Variants in SYNGR3 observed in about 807,000 individuals in gnomAD.
SYNGR3 encodes synaptogyrin 3, also known as synaptogyrin-3.
Under a neutral mutation model 18.5 loss-of-function variants are expected in SYNGR3, and 10 were observed. The observed-to-expected ratio is 0.54, with a 90% CI of 0.33 to 0.92. The LOEUF (loss-of-function observed/expected upper bound fraction) is 0.92, where lower values mean the gene tolerates loss of function less well. Ranked by LOEUF, SYNGR3 falls within the 40% of genes least tolerant of loss-of-function variation. The probability of loss-of-function intolerance (pLI) is 0.02; values close to 1 mark genes in which losing one functional copy is unlikely to be tolerated. For missense variants in SYNGR3, 335 were observed against 332.8 expected (o/e 1.01, Z -0.05); for synonymous variants, 188 against 157.2 (o/e 1.20, Z -1.47).
chr16:1,993,039 C>T lies in SYNGR3; in HGVS notation c.657C>T (p.Thr219=). ...QSPPFTETLD[T]SPKGYQVPAY ...CGCCCTTCACCGAGACCCTGGACACCAGCCCCAAAGGGTACCAGGTGCCCG... is the reference window on the plus strand; with the variant it reads ...CGCCCTTCACCGAGACCCTGGACACTAGCCCCAAAGGGTACCAGGTGCCCG... Residue 219 remains threonine, a synonymous_variant, in exon 4 of 4, where the codon ACC becomes ACT. Coordinates refer to ENST00000248121, the MANE Select transcript of SYNGR3 (RefSeq NM_004209.6). 6.2e-7 allele frequency: 1 copy of T among 1,611,832 alleles called. No homozygotes were observed. Among genetic ancestry groups the T allele is most frequent in the Non-Finnish European group, 8.5e-7 (1 of 1,179,646 alleles).
intron 1 of SYNGR3, 76 bp downstream of exon 1, chr16:1,990,277 C>T (rs1167580993): frequency 9.9e-6 from 6 of 609,124 alleles, no homozygotes; most frequent in Non-Finnish European, 1.1e-5. Flanking sequence ...CCCCTGCCCC[C>T]TACCCCCTGC....
chr16:1,990,287 C>T (rs1185126625), intron 1 of SYNGR3, 86 bp downstream of exon 1: 5 of 564,910 alleles, frequency 8.9e-6, no homozygotes, highest in South Asian at 6.2e-5. Context: ...CTACCCCCTG[C>T]CCCCTGCTTC....
Position 1,990,119 on chromosome 16 carries a change from TCGGCGCGGGC to T in SYNGR3, c.20_29del (p.Gly7AlafsTer9). ...GGGCCGGCCATGGAGGGCGCCTCCTTCGGCGCGGGCCGCGCAGGGGCCGCCCTGGACCCCG... is the reference window on the plus strand; with the variant it reads ...GGGCCGGCCATGGAGGGCGCCTCCTTCGCGCAGGGGCCGCCCTGGACCCCG... On this transcript the variant is annotated frameshift_variant, in exon 1 of 4. Coordinates refer to ENST00000248121, the MANE Select transcript of SYNGR3 (RefSeq NM_004209.6). LOFTEE classifies it high-confidence loss of function. The T allele has an allele frequency of 8.2e-7, 1 of 1,217,170 alleles. No individual in the cohort carries two copies. Among genetic ancestry groups the T allele is most frequent in the Non-Finnish European group, 1.0e-6 (1 of 978,120 alleles). The allele number at this position is 1,217,170 out of a possible 1,614,324, so 75.4% of individuals were successfully genotyped here. A position where few individuals can be genotyped will look rare whatever the true frequency, so the allele number is the denominator to read the frequency against.
Position 1,992,871 on chromosome 16 carries a change from C to T in SYNGR3, c.489C>T (p.Leu163=), listed in dbSNP as rs1413731639. 1.3e-6 allele frequency: 2 copies of T among 1,573,876 alleles called. No homozygotes were observed. The highest frequency in any genetic ancestry group is 1.7e-6 in the Non-Finnish European group (2 of 1,159,488). ...GACCCCGCCCCGCGCAGGTGGCGCT[C>T]ACCGTGAAGGCCCTGCAGCGGTTCC... The part of the protein sequence containing the change: ...SFFSILSWVA[L]TVKALQRFRL... The change falls in exon 4 of 4, where the codon CTC becomes CTT. Residue 163 remains leucine, a synonymous_variant. Coordinates refer to ENST00000248121, the MANE Select transcript of SYNGR3 (RefSeq NM_004209.6).
Position 1,993,264 on chromosome 16 carries a change from G to T in SYNGR3, c.*192G>T. On this transcript the variant is annotated 3_prime_UTR_variant, in exon 4 of 4. Coordinates refer to ENST00000248121, the MANE Select transcript of SYNGR3 (RefSeq NM_004209.6). ...CCTGCCAAGTTCCCCCAGTCCCTCA[G>T]CACCTGGCCCCAGGACTGAGGTCCT... 3.0e-6 allele frequency: 2 copies of T among 677,284 alleles called. No homozygotes were observed. The highest frequency in any genetic ancestry group is 1.8e-5 in the South Asian group (1 of 54,694). 42.0% of individuals were successfully genotyped at this position (677,284 alleles called of 1,614,324 possible). A position where few individuals can be genotyped will look rare whatever the true frequency, so the allele number is the denominator to read the frequency against.
intron 2 of SYNGR3, 115 bp from the exon 3 acceptor site, chr16:1,992,521 G>A (rs1045496417): frequency 3.1e-5 from 41 of 1,339,674 alleles, no homozygotes; most frequent in Admixed American, 1.0e-4. Flanking sequence ...CGCGCCACGC[G>A]GCGAGCCCAG....
At chr16:1,990,352 C>T in intron 1 of SYNGR3, 151 bp downstream of exon 1, 1 of 414,804 alleles carries the variant, frequency 2.4e-6, no homozygotes. Context: ...CCGCCGGCCT[C>T]AGGTTGGGGT....
Position 1,992,935 on chromosome 16 carries a change from C to T in SYNGR3, c.553C>T (p.Leu185=). 6.2e-7 allele frequency: 1 copy of T among 1,611,316 alleles called. No individual in the cohort carries two copies. The highest frequency in any genetic ancestry group is 1.1e-5 in the South Asian group (1 of 90,904). Residue 185 remains leucine, a synonymous_variant, in exon 4 of 4, where the codon CTG becomes TTG. Transcript: ENST00000248121. ...TDMSLFATEQ[L]STGASQAYPG... ...CATGTCACTCTTCGCCACCGAACAGCTGAGCACCGGGGCGAGCCAGGCCTA... is the reference window on the plus strand; with the variant it reads ...CATGTCACTCTTCGCCACCGAACAGTTGAGCACCGGGGCGAGCCAGGCCTA...
In SYNGR3 at chr16:1,993,692, C is replaced by G. The variant is rs1474792381; in HGVS notation, c.*620C>G. ...CTGCTCCTCTCTCTGTGGCCCCGGC[C>G]CCTGCCCAGGTGTGGGTGGTTCTGG... On this transcript the variant is annotated 3_prime_UTR_variant, in exon 4 of 4. Coordinates refer to ENST00000248121, the MANE Select transcript of SYNGR3 (RefSeq NM_004209.6). 5 of 423,372 alleles carry G rather than the reference C, an allele frequency of 1.2e-5. No homozygotes were observed. The East Asian group carries it at 3.5e-4, about 30-fold the overall frequency. 26.2% of individuals were successfully genotyped at this position (423,372 alleles called of 1,614,324 possible).
intron 1 of SYNGR3, 145 bp downstream of exon 1, chr16:1,990,346 CGG>C (rs2083596227): frequency 2.6e-6 from 1 of 381,730 alleles, no homozygotes; most frequent in Admixed American, 5.0e-5. Flanking sequence ...CCTCCCCCGC[CGG>C]CCTCAGGTTG....
intron 2 of SYNGR3, 39 bp downstream of exon 2, chr16:1,992,250 G>T: frequency 1.9e-6 from 2 of 1,047,058 alleles, no homozygotes; most frequent in South Asian, 1.9e-5. Flanking sequence ...AGAGCCTTCC[G>T]GGTGGGCGGG....
At position 1,990,128 on chromosome 16, in the gene SYNGR3, G is replaced by A. The variant is rs1426259418; in HGVS notation, c.26G>A (p.Gly9Asp). MEGASFGA[G>D]RAGAALDPVS... is the part of the protein sequence containing the mutation. Reference sequence around the variant, plus strand: ...ATGGAGGGCGCCTCCTTCGGCGCGGGCCGCGCAGGGGCCGCCCTGGACCCC... The same window carrying A: ...ATGGAGGGCGCCTCCTTCGGCGCGGACCGCGCAGGGGCCGCCCTGGACCCC... The change falls in exon 1 of 4, where the codon GGC becomes GAC. Residue 9 changes from glycine to aspartate, a missense_variant. Physicochemically the swap from Gly to Asp is moderately conservative, Grantham distance 94. Coordinates refer to ENST00000248121, the MANE Select transcript of SYNGR3 (RefSeq NM_004209.6). The A allele has an allele frequency of 3.3e-6, 4 of 1,221,444 alleles. No individual in the cohort carries two copies. Among genetic ancestry groups the A allele is most frequent in the South Asian group, 4.0e-5 (1 of 25,056 alleles). 75.7% of individuals were successfully genotyped at this position (1,221,444 alleles called of 1,614,324 possible). A position where few individuals can be genotyped will look rare whatever the true frequency, so the allele number is the denominator to read the frequency against.
At position 1,992,467 on chromosome 16, in the gene SYNGR3, C is replaced by A. The variant is rs1196368542; in HGVS notation, c.338-169C>A. 7.9e-6 allele frequency: 8 copies of A among 1,018,402 alleles called. 1 individual carries two copies. Among genetic ancestry groups the A allele is most frequent in the Middle Eastern group, 6.6e-4 (2 of 3,024 alleles). 63.1% of individuals were successfully genotyped at this position (1,018,402 alleles called of 1,614,324 possible). On this transcript the variant is annotated intron_variant, in intron 2 of 3. Transcript: ENST00000248121. ...GCCTGGGCGCGGAACGGGTCTGGCG[C>A]TCCCGGGTGGGCGGGGTCAGCGCAG...
Position 1,993,349 on chromosome 16 carries a change from G to T in SYNGR3, c.*277G>T. 1 of 629,132 alleles carries T rather than the reference G, an allele frequency of 1.6e-6. No individual in the cohort carries two copies. Among genetic ancestry groups the T allele is most frequent in the Non-Finnish European group, 2.9e-6 (1 of 341,090 alleles). The allele number at this position is 629,132 out of a possible 1,614,324, so 39.0% of individuals were successfully genotyped here. A position where few individuals can be genotyped will look rare whatever the true frequency, so the allele number is the denominator to read the frequency against. On this transcript the variant is annotated 3_prime_UTR_variant, in exon 4 of 4. Transcript: ENST00000248121. Reference sequence around the variant, plus strand: ...CTAGCCTGGAATGGACTGGCCTGGGGAAGGCTTTCCCCTCTTGGGCCACAC... The same window carrying T: ...CTAGCCTGGAATGGACTGGCCTGGGTAAGGCTTTCCCCTCTTGGGCCACAC...
intron 1 of SYNGR3, 58 bp from the exon 2 acceptor site, chr16:1,991,916 G>C: frequency 6.8e-7 from 1 of 1,479,756 alleles, no homozygotes; most frequent in Non-Finnish European, 9.1e-7. Context: ...GTGGGCGCTC[G>C]AGGCGGGCTC....
rs1597067157 is a variant in SYNGR3 at position 1,992,194 on chromosome 16, T to G, written c.320T>G (p.Leu107Arg). The G allele has an allele frequency of 7.6e-7, 1 of 1,321,900 alleles. No individual in the cohort carries two copies. The highest frequency in any genetic ancestry group is 9.7e-7 in the Non-Finnish European group (1 of 1,031,758). 81.9% of individuals were successfully genotyped at this position (1,321,900 alleles called of 1,614,324 possible). A position where few individuals can be genotyped will look rare whatever the true frequency, so the allele number is the denominator to read the frequency against. The change falls in exon 2 of 4, where the codon CTG becomes CGG. Residue 107 changes from leucine (L) to arginine (R), a missense_variant. Transcript: ENST00000248121. ...SVRDRRRAVLLDLGFSGLWSF... is the reference protein window; with the variant it reads ...SVRDRRRAVLRDLGFSGLWSF... ...CGCGACCGCCGGCGCGCGGTGTTGC[T>G]GGACCTGGGCTTCTCAGGTGGGCGG...
Position 1,992,228 on chromosome 16 carries a change from C to A in SYNGR3, c.337+17C>A. 1 of 717,796 alleles carries A rather than the reference C, an allele frequency of 1.4e-6. No homozygotes were observed. The highest frequency in any genetic ancestry group is 1.6e-6 in the Non-Finnish European group (1 of 635,658). The allele number at this position is 717,796 out of a possible 1,614,324, so 44.5% of individuals were successfully genotyped here. ...GCTTCTCAGGTGGGCGGGGCCGGGG[C>A]GGTGAGCGCGGAGAGCCTTCCGGGT... On this transcript the variant is annotated intron_variant, in intron 2 of 3. Coordinates refer to ENST00000248121, the MANE Select transcript of SYNGR3 (RefSeq NM_004209.6).
chr16:1,991,309 G>A (rs999641375), intron 1 of SYNGR3: 8 of 152,338 alleles, frequency 5.3e-5, no homozygotes, highest in African/African-American at 1.9e-4. Context: ...TACCCACCAC[G>A]TGCAGGAAGC....
chr16:1,992,135 G>A lies in SYNGR3; in HGVS notation c.261G>A (p.Leu87=). The A allele has an allele frequency of 6.5e-7, 1 of 1,536,904 alleles. No individual in the cohort carries two copies. The highest frequency in any genetic ancestry group is 2.5e-5 in the East Asian group (1 of 39,306). ...TCCTCGCCTGCGCCGCCTTCCTGCT[G>A]CTCGATGTGCGCTTCCAGCAAATCA... ...GAFLACAAFL[L]LDVRFQQISS... is the part of the protein sequence containing the mutation. Residue 87 remains leucine (L), a synonymous_variant, in exon 2 of 4, where the codon CTG becomes CTA. Transcript: ENST00000248121.
Sources: gnomAD v4.1 joint callset for allele counts on GRCh38, gnomAD v4.1.1 for gene constraint, MANE v1.5 for transcripts, NCBI Gene and HGNC (gene_info 2026-07-23, HGNC 2026-07-21) for gene names.